Variants in PCDHGA1 observed in about 807,000 individuals in gnomAD.
PCDHGA1 encodes protocadherin gamma subfamily A, 1, also known as protocadherin gamma-A1.
Under a neutral mutation model 58.0 loss-of-function variants are expected in PCDHGA1, and 32 were observed. The ratio of observed to expected loss-of-function variants is 0.55; its 90% confidence interval spans 0.42 to 0.74. PCDHGA1 has a LOEUF of 0.74. PCDHGA1 is among the 30% of genes least tolerant of loss of function. PCDHGA1 has a pLI of 0.00. For synonymous variants in PCDHGA1, 498 were observed against 501.1 expected (o/e 0.99, Z 0.08); for missense variants, 1,205 against 1,182.3 (o/e 1.02, Z -0.28).
In PCDHGA1 at chr5:141,366,896, A is replaced by T. The variant is rs73265840; in HGVS notation, c.2421+33791A>T. On this transcript the variant is annotated intron_variant, in intron 1 of 3. Coordinates refer to ENST00000517417, the MANE Select transcript of PCDHGA1 (RefSeq NM_018912.3). The stretch of plus-strand genomic sequence containing the variant: ...GAGATTAATTTTTTTTATATAATTC[A>T]TGCTTTCTCCATTTGTTTTCAAATT... The T allele has an allele frequency of 1.9e-3, 2,253 of 1,216,574 alleles. 33 individuals carry two copies. The African/African-American group carries it at 0.031, about 17-fold the overall frequency. The allele number at this position is 1,216,574 out of a possible 1,614,324, so 75.4% of individuals were successfully genotyped here.
chr5:141,505,026 G>T (rs190826538), intron 2 of PCDHGA1, among the ~76,000 whole-genome samples: 1 of 152,198 alleles, frequency 6.6e-6, no homozygotes, highest in South Asian at 2.1e-4. Context: ...GCCTGGCACA[G>T]TGGCAGGTGC....
intron 1 of PCDHGA1, chr5:141,384,465 T>A (rs1561602415): frequency 6.2e-7 from 1 of 1,614,118 alleles, no homozygotes; most frequent in Non-Finnish European, 8.5e-7. Flanking sequence ...CCTTTGATTA[T>A]GAGCAGTTGA....
chr5:141,376,417 G>A (rs750081761), intron 1 of PCDHGA1: 30 of 1,614,148 alleles, frequency 1.9e-5, no homozygotes, highest in Non-Finnish European at 2.5e-5. Context: ...ATGCCGACAC[G>A]CTTATCAACC....
rs1434955829 is a variant in PCDHGA1, at chr5:141,431,361, A to G, written c.2422-63446A>G. 3 of 1,614,002 alleles carry G rather than the reference A, an allele frequency of 1.9e-6. No homozygotes were observed. The highest frequency in any genetic ancestry group is 2.5e-6 in the Non-Finnish European group (3 of 1,180,034). On this transcript the variant is annotated intron_variant, in intron 1 of 3. Transcript: ENST00000517417. The surrounding 1 kb of genome is among the most constrained non-coding windows in gnomAD (Gnocchi z 4.8). ...GAATTGGTGCTGAAACGCGCCCTGG[A>G]CCGCGAAGAAAAGGCTGCTCACCAC...
At chr5:141,401,128 G>A (rs1271194736) in intron 1 of PCDHGA1, among the ~76,000 whole-genome samples, 3 of 152,166 alleles carry the variant, frequency 2.0e-5, no homozygotes, top group Non-Finnish European at 4.4e-5. Context: ...TGGATCACAT[G>A]GTCAGGAGTT....
chr5:141,400,144 G>A, intron 1 of PCDHGA1: 1 of 1,614,068 alleles, frequency 6.2e-7, no homozygotes, highest in Non-Finnish European at 8.5e-7. Context: ...GGATATCACT[G>A]ACCGCCCTGT....
At chr5:141,421,699 G>T (rs751572007) in intron 1 of PCDHGA1, 1 of 1,613,928 alleles carries the variant, frequency 6.2e-7, no homozygotes, top group Admixed American at 1.7e-5. Flanking sequence ...TCTTCCTAAT[G>T]CTAGGGATCC....
chr5:141,340,657 C>A (rs1157138663), intron 1 of PCDHGA1: 1 of 1,614,126 alleles, frequency 6.2e-7, no homozygotes. Context: ...CGCCCGAGAT[C>A]CTGTACCCTG....
chr5:141,360,387 A>G (rs1217376856), intron 1 of PCDHGA1: 1 of 1,613,944 alleles, frequency 6.2e-7, no homozygotes, highest in East Asian at 2.2e-5. Flanking sequence ...GCGGAGACTT[A>G]CTTGTGAGTG....
intron 1 of PCDHGA1, chr5:141,376,156 G>T: frequency 6.2e-7 from 1 of 1,614,074 alleles, no homozygotes; most frequent in Non-Finnish European, 8.5e-7. Flanking sequence ...ACCTCACTCT[G>T]TACCTGGTGG....
intron 1 of PCDHGA1, chr5:141,372,940 T>G: frequency 1.2e-6 from 1 of 817,644 alleles, no homozygotes; most frequent in Non-Finnish European, 1.8e-6. Flanking sequence ...TAGAGTAGGG[T>G]GTCTAGGAAA....
At position 141,343,271 on chromosome 5, in the gene PCDHGA1, A is replaced by G. The variant is rs1757274429; in HGVS notation, c.2421+10166A>G. Reference sequence around the variant, plus strand: ...AAACTAAGTTATCAGGTCACCAAGAACAAACTTAAAGAAATATAATGTATA... The same window carrying G: ...AAACTAAGTTATCAGGTCACCAAGAGCAAACTTAAAGAAATATAATGTATA... On this transcript the variant is annotated intron_variant, in intron 1 of 3. Transcript: ENST00000517417. 5.2e-6 allele frequency: 5 copies of G among 963,068 alleles called. No individual in the cohort carries two copies. The South Asian group carries it at 2.4e-4, about 46-fold the overall frequency. The allele number at this position is 963,068 out of a possible 1,614,324, so 59.7% of individuals were successfully genotyped here. A position where few individuals can be genotyped will look rare whatever the true frequency, so the allele number is the denominator to read the frequency against.
At chr5:141,495,984 ATC>A (rs2099765081) in intron 2 of PCDHGA1, among the ~76,000 whole-genome samples, 1 of 149,246 alleles carries the variant, frequency 6.7e-6, no homozygotes, top group East Asian at 2.0e-4. Context: ...CTCTTTCTTT[ATC>A]TCTCTTTTTC....
At chr5:141,474,965 A>T (rs1268347441) in intron 1 of PCDHGA1, among the ~76,000 whole-genome samples, 1 of 152,236 alleles carries the variant, frequency 6.6e-6, no homozygotes, top group Non-Finnish European at 1.5e-5. Context: ...TATCCTAATC[A>T]TTATAATTTT....
chr5:141,391,155 T>C (rs2092309201), intron 1 of PCDHGA1: 1 of 152,250 alleles, frequency 6.6e-6, no homozygotes, highest in Non-Finnish European at 1.5e-5. Context: ...GAAAGAAATA[T>C]AGTCTTGAAA....
Position 141,491,935 on chromosome 5 carries a change from C to A in PCDHGA1, c.2422-2872C>A. 1 of 1,205,518 alleles carries A rather than the reference C, an allele frequency of 8.3e-7. No homozygotes were observed. Among genetic ancestry groups the A allele is most frequent in the South Asian group, 1.7e-5 (1 of 59,176 alleles). 74.7% of individuals were successfully genotyped at this position (1,205,518 alleles called of 1,614,324 possible). On this transcript the variant is annotated intron_variant, in intron 1 of 3. Transcript: ENST00000517417. The surrounding 1 kb of genome is among the most constrained non-coding windows in gnomAD (Gnocchi z 6.9). ...GACTGTGGGCGAGGGGAGGTGGGACCGACCCCCACCCCTACACTCAAAAAA... is the reference window on the plus strand; with the variant it reads ...GACTGTGGGCGAGGGGAGGTGGGACAGACCCCCACCCCTACACTCAAAAAA...
intron 1 of PCDHGA1, among the ~76,000 whole-genome samples, chr5:141,336,697 C>T (rs1756632281): frequency 6.6e-6 from 1 of 152,108 alleles, no homozygotes; most frequent in East Asian, 1.9e-4. Context: ...TAGAAGAAAA[C>T]AGGAGGAAAC....
intron 1 of PCDHGA1, chr5:141,423,815 C>G (rs1002418139): frequency 7.9e-7 from 1 of 1,271,358 alleles, no homozygotes; most frequent in African/African-American, 1.6e-5. Context: ...GTGAGTTTTA[C>G]TTTGCCTTTC....
chr5:141,477,263 G>A lies in PCDHGA1; in HGVS notation c.2422-17544G>A, dbSNP rs543767777. 1.4e-5 allele frequency: 23 copies of A among 1,614,192 alleles called. No individual in the cohort carries two copies. The highest frequency in any genetic ancestry group is 1.8e-5 in the Non-Finnish European group (21 of 1,180,046). On this transcript the variant is annotated intron_variant, in intron 1 of 3. Transcript: ENST00000517417. The surrounding 1 kb of genome is among the most constrained non-coding windows in gnomAD (Gnocchi z 4.9). The stretch of plus-strand genomic sequence containing the variant: ...CAGTGTGACTGACCTGGATGCTGGC[G>A]AGAACGGGCTGGTGACCTGCGAAGT...
Sources: gnomAD v4.1 joint callset for allele counts (sites outside exome capture counted in the v4.1 genomes callset) on GRCh38, gnomAD v4.1.1 for gene constraint, Gnocchi (gnomAD v3.1) non-coding constraint, MANE v1.5 for transcripts, NCBI Gene and HGNC (gene_info 2026-07-23, HGNC 2026-07-21) for gene names.